TJP1: variants seen among roughly 807,000 people sequenced by gnomAD.
The protein encoded by TJP1 is tight junction protein 1.
TJP1 carries 43 observed loss-of-function variants against 194.2 expected under a neutral mutation model. The ratio of observed to expected loss-of-function variants is 0.22; its 90% CI spans 0.17 to 0.29. TJP1 has a LOEUF of 0.29. Among genes scored for constraint, TJP1 ranks in the 10% least tolerant of loss-of-function variants. The pLI, the probability that TJP1 is intolerant of heterozygous loss-of-function variation, is 1.00. For synonymous variants in TJP1, 801 were observed against 779.0 expected, an observed-to-expected ratio of 1.03 and a Z score of -0.47; for missense variants, 1,971 against 2,185.7, an observed-to-expected ratio of 0.90 and a Z score of 1.96.
At chr15:29,779,713 G>A (rs539980816) in intron 2 of TJP1, among the ~76,000 whole-genome samples, 1 of 152,134 alleles carries the variant, frequency 6.6e-6, no homozygotes, top group South Asian at 2.1e-4. Flanking sequence ...CCTAATTAGA[G>A]CACTAAAAAC....
In TJP1 at chr15:29,948,810, T is replaced by C. The variant is rs546822495; in HGVS notation, c.306+7422A>G. The stretch of plus-strand genomic sequence containing the variant: ...CAGTTTGAGTTAGTGTTCTGTTATT[T>C]GCAAACAGGAACATTTCAACGACCT... On this transcript the variant is annotated intron_variant, in intron 2 of 28. Transcript: ENST00000356107. Among the ~76,000 whole-genome samples, 661 of 152,162 alleles carry C rather than the reference T, an allele frequency of 4.3e-3. 1 individual carries two copies. The highest frequency in any genetic ancestry group is 6.8e-3 in the Middle Eastern group (2 of 292).
At chr15:29,789,303 G>A (rs1026684452) in intron 2 of TJP1, among the ~76,000 whole-genome samples, 4 of 152,172 alleles carry the variant, frequency 2.6e-5, no homozygotes, top group Non-Finnish European at 4.4e-5. Flanking sequence ...TAAGGAGATA[G>A]AAAACGGACT....
At chr15:29,754,425 C>T (rs2045511605) in intron 8 of TJP1, among the ~76,000 whole-genome samples, 1 of 152,124 alleles carries the variant, frequency 6.6e-6, no homozygotes, top group Admixed American at 6.5e-5. Flanking sequence ...CTGGGTTTAA[C>T]ATCTGGGTGA....
Position 29,741,420 on chromosome 15 carries a change from AT to A in TJP1, c.1166del (p.Tyr389LeufsTer34), listed in dbSNP as rs1566936381. 3 of 1,608,454 alleles carry A rather than the reference AT, an allele frequency of 1.9e-6. No homozygotes were observed. Among genetic ancestry groups the A allele is most frequent in the Non-Finnish European group, 2.5e-6 (3 of 1,178,308 alleles). ...TPSLPEPKPV[Y>X]AQVGQPDVDL... is the part of the protein sequence containing the mutation. ...CCACATCTGGTTGCCCAACTTGGGC[AT>A]ACACAGGCTTTGGTTCTAAGAAAAA... On this transcript the variant is annotated frameshift_variant, in exon 10 of 28. Transcript: ENST00000614355. LOFTEE classifies it high-confidence loss of function.
chr15:29,742,717 C>T lies in TJP1; in HGVS notation c.1075G>A (p.Ala359Thr). 1 of 1,609,376 alleles carries T rather than the reference C, an allele frequency of 6.2e-7. No individual in the cohort carries two copies. Among genetic ancestry groups the T allele is most frequent in the Non-Finnish European group, 8.5e-7 (1 of 1,178,134 alleles). Residue 359 changes from alanine to threonine, a missense_variant, in exon 9 of 28, where the codon GCT becomes ACT. Physicochemically the swap from Ala to Thr is moderately conservative, Grantham distance 58. Transcript: ENST00000614355. ...ACTGTTTTAGGTGTGTGATCATCAG[C>T]ATGCTTTACAGGAGTTGAGACAGCC... Reference protein sequence around the residue: ...PGAVSTPVKHADDHTPKTVEE... With the variant: ...PGAVSTPVKHTDDHTPKTVEE...
chr15:29,815,001 T>C (rs1308103137), intron 1 of TJP1, among the ~76,000 whole-genome samples: 6 of 152,198 alleles, frequency 3.9e-5, no homozygotes, highest in South Asian at 4.1e-4. Context: ...GATCTAAAGC[T>C]GTGTTCTTGT....
chr15:29,710,644 T>C (rs1372177341), intron 24 of TJP1, among the ~76,000 whole-genome samples, 187 bp downstream of exon 24: 1 of 152,256 alleles, frequency 6.6e-6, no homozygotes, highest in Non-Finnish European at 1.5e-5. Context: ...GCTAAAAGGC[T>C]TGTCCAAAAT....
At chr15:29,813,579 T>G (rs761860436) in intron 1 of TJP1, among the ~76,000 whole-genome samples, 6 of 152,182 alleles carry the variant, frequency 3.9e-5, no homozygotes, top group Non-Finnish European at 1.5e-5. Flanking sequence ...TAGAAGATTC[T>G]GTATGCGCAA....
At chr15:29,922,950 A>G (rs2054411687) in intron 2 of TJP1, among the ~76,000 whole-genome samples, 2 of 146,562 alleles carry the variant, frequency 1.4e-5, no homozygotes, top group Admixed American at 1.4e-4. Context: ...AAATGGTAAA[A>G]CACATATGAA....
chr15:29,926,383 A>G (rs1718992), intron 2 of TJP1, among the ~76,000 whole-genome samples: 152,027 of 152,252 alleles, frequency 1, 75,902 homozygotes, highest in Middle Eastern at 1. Flanking sequence ...AGACCGAGGC[A>G]GGTGGATCAC....
intron 2 of TJP1, among the ~76,000 whole-genome samples, chr15:29,864,294 C>T (rs997248412): frequency 1.4e-5 from 2 of 143,596 alleles, no homozygotes; most frequent in East Asian, 4.2e-4. Flanking sequence ...GCCTGTAATC[C>T]CAGCTACTTG....
rs149801000 is a variant in TJP1, at chr15:29,802,332, C to T, written c.28-1630G>A. Among the ~76,000 whole-genome samples, 114 of 152,154 alleles carry T rather than the reference C, an allele frequency of 7.5e-4. 1 individual carries two copies. In the East Asian group the frequency reaches 0.02, roughly 27 times the overall value. ...GGGCCCATTCTCTCCTTTCCCACAG[C>T]GACTTTAATTGAAGATTAATGCCAT... On this transcript the variant is annotated intron_variant, in intron 1 of 27. Coordinates refer to ENST00000614355, the MANE Select transcript of TJP1 (RefSeq NM_001330239.4).
At chr15:29,891,196 T>C (rs2053296561) in intron 2 of TJP1, among the ~76,000 whole-genome samples, 1 of 152,236 alleles carries the variant, frequency 6.6e-6, no homozygotes, top group South Asian at 2.1e-4. Context: ...AGATTGACGG[T>C]GAGGACTAAA....
chr15:29,728,362 A>G (rs1167394520), intron 15 of TJP1: 2 of 209,088 alleles, frequency 9.6e-6, no homozygotes, highest in Non-Finnish European at 1.9e-5. Flanking sequence ...AGAAAATATT[A>G]TTTGTATGGC....
rs2045916431 is a variant in TJP1 at position 29,760,273 on chromosome 15, A to G, written c.1010+866T>C. 7 of 702,132 alleles carry G rather than the reference A, an allele frequency of 1.0e-5. No individual in the cohort carries two copies. The Admixed American group carries it at 1.0e-4, about 10-fold the overall frequency. 43.5% of individuals were successfully genotyped at this position (702,132 alleles called of 1,614,324 possible). On this transcript the variant is annotated intron_variant, in intron 8 of 27. Transcript: ENST00000614355. ...GCACATTTTTCTGGAGAGAAGGATCATAATTTTCTTCAGATTCTCAAATGT... is the reference window on the plus strand; with the variant it reads ...GCACATTTTTCTGGAGAGAAGGATCGTAATTTTCTTCAGATTCTCAAATGT...
intron 2 of TJP1, among the ~76,000 whole-genome samples, chr15:29,863,120 C>T (rs2052155961): frequency 6.6e-6 from 1 of 151,350 alleles, no homozygotes; most frequent in Admixed American, 6.6e-5. Context: ...CATGGTGAAA[C>T]CCCCATCTGT....
intron 1 of TJP1, among the ~76,000 whole-genome samples, chr15:29,961,916 G>T (rs2056178632): frequency 6.6e-6 from 1 of 152,154 alleles, no homozygotes; most frequent in Non-Finnish European, 1.5e-5. Context: ...TAACAACCCA[G>T]AAAACTGTTA....
At chr15:29,748,959 TGTGTGC>T (rs1566949707) in intron 8 of TJP1, among the ~76,000 whole-genome samples, 7 of 37,918 alleles carry the variant, frequency 1.8e-4, no homozygotes, top group Admixed American at 4.0e-4. Context: ...TGTGTGCGCG[TGTGTGC>T]GCGCGCGCGT....
intron 2 of TJP1, among the ~76,000 whole-genome samples, chr15:29,887,699 A>G (rs2053166688): frequency 6.6e-6 from 1 of 152,238 alleles, no homozygotes; most frequent in Non-Finnish European, 1.5e-5. Flanking sequence ...ATATTTTATC[A>G]TCTACAAATC....
Sources: allele counts gnomAD v4.1 joint callset (sites outside exome capture counted in the v4.1 genomes callset), GRCh38; gene constraint gnomAD v4.1.1; transcripts MANE v1.5; gene names NCBI Gene and HGNC (gene_info 2026-07-23, HGNC 2026-07-21).